MIGA2: variants seen among roughly 807,000 people sequenced by gnomAD.
The protein encoded by MIGA2 is family with sequence similarity 73, member B.
A neutral mutation model predicts 69.9 loss-of-function variants in MIGA2; 36 were observed. The observed-to-expected ratio is 0.52, with a 90% confidence interval of 0.39 to 0.68. The LOEUF is 0.68. Ranked by LOEUF, MIGA2 falls within the 30% of genes least tolerant of loss-of-function variation. MIGA2 has a pLI of 0.00. For synonymous variants in MIGA2, 333 were observed against 349.2 expected, an observed-to-expected ratio of 0.95 and a Z score of 0.52; for missense variants, 660 against 787.7, an observed-to-expected ratio of 0.84 and a Z score of 1.94.
intron 2 of MIGA2, among the ~76,000 whole-genome samples, chr9:129,041,331 C>CAA (rs777281536): frequency 7.2e-6 from 1 of 139,070 alleles, no homozygotes; most frequent in Non-Finnish European, 1.6e-5. Flanking sequence ...GACTCCGCCT[C>CAA]AAAAAAAAAA....
At position 129,060,486 on chromosome 9, in the gene MIGA2, C is replaced by A; in HGVS notation, c.794-64C>A. On this transcript the variant is annotated intron_variant, in intron 7 of 15. Transcript: ENST00000684074. This position sits in a 1 kb window ranked among gnomAD's most constrained non-coding sequence, Gnocchi z 4.8. Reference sequence around the variant, plus strand: ...GGGCCTGATGGGGGACTTCGTGTACCGGGATTCCAGCTGAGCACTGTGTGG... The same window carrying A: ...GGGCCTGATGGGGGACTTCGTGTACAGGGATTCCAGCTGAGCACTGTGTGG... 7.5e-7 allele frequency: 1 copy of A among 1,341,278 alleles called. No homozygotes were observed. Among genetic ancestry groups the A allele is most frequent in the Non-Finnish European group, 1.0e-6 (1 of 969,538 alleles). The allele number at this position is 1,341,278 out of a possible 1,614,324, so 83.1% of individuals were successfully genotyped here. A position where few individuals can be genotyped will look rare whatever the true frequency, so the allele number is the denominator to read the frequency against.
chr9:129,038,254 A>G (rs922947556), intron 1 of MIGA2, among the ~76,000 whole-genome samples: 4 of 152,150 alleles, frequency 2.6e-5, no homozygotes, highest in African/African-American at 9.7e-5. Context: ...CACCAGCCCT[A>G]GAGCGAGACT....
chr9:129,067,135 C>CA (rs774512522), intron 11 of MIGA2, among the ~76,000 whole-genome samples: 938 of 50,990 alleles, frequency 0.018, 12 homozygotes, highest in East Asian at 0.043. Flanking sequence ...GACTCCATCT[C>CA]AAAAAAAAAA....
chr9:129,063,593 CGACAGATGGT>C lies in MIGA2; in HGVS notation c.1138_1147del (p.Met380AlafsTer2). 6.2e-7 allele frequency: 1 copy of C among 1,604,822 alleles called. No homozygotes were observed. The highest frequency in any genetic ancestry group is 8.5e-7 in the Non-Finnish European group (1 of 1,178,584). ...CCAGCTTTTCTTCGGGAAAGTGGGC[CGACAGATGGT>C]GACAGGCCTGATGACCAAGGCTGAG... On this transcript the variant is annotated frameshift_variant, in exon 11 of 16. Transcript: ENST00000684074. LOFTEE classifies it high-confidence loss of function.
Position 129,070,275 on chromosome 9 carries a change from T to A in MIGA2, c.1604T>A (p.Met535Lys), listed in dbSNP as rs958664299. ...CAGATTGTGCAGTACCTGAGGGACA[T>A]GTTCGACCTGGACAATGTGCGCTAC... is the stretch of plus-strand genomic sequence containing the variant. ...KHQIVQYLRDMFDLDNVRYTS... is the reference protein window; with the variant it reads ...KHQIVQYLRDKFDLDNVRYTS... The change falls in exon 16 of 16, where the codon ATG (methionine) becomes AAG (lysine). Residue 535 changes from methionine (M) to lysine (K), a missense_variant. This residue lies in a region of MIGA2 where 220 missense variants were observed against 301.7 expected (regional missense o/e 0.73). Transcript: ENST00000684074. 1.2e-6 allele frequency: 2 copies of A among 1,612,942 alleles called. No individual in the cohort carries two copies. The highest frequency in any genetic ancestry group is 2.7e-5 in the African/African-American group (2 of 74,948).
At chr9:129,050,538 G>T (rs1383112555) in intron 6 of MIGA2, among the ~76,000 whole-genome samples, 4 of 151,054 alleles carry the variant, frequency 2.6e-5, no homozygotes, top group African/African-American at 9.8e-5. Context: ...CTCCCAAAGT[G>T]CTGGGATTAC....
chr9:129,064,521 TC>T (rs1163099149), intron 11 of MIGA2, among the ~76,000 whole-genome samples: 3 of 151,244 alleles, frequency 2.0e-5, no homozygotes, highest in Non-Finnish European at 4.4e-5. Context: ...TTTTTTTTTT[TC>T]TTTAATGGGT....
At chr9:129,051,687 C>T (rs933035843) in intron 6 of MIGA2, among the ~76,000 whole-genome samples, 15 of 151,870 alleles carry the variant, frequency 9.9e-5, no homozygotes, top group South Asian at 2.1e-4. Context: ...AGCTCTGCCT[C>T]CCAGGTTTAC....
At chr9:129,065,578 G>A (rs146641625) in intron 11 of MIGA2, among the ~76,000 whole-genome samples, 5 of 152,134 alleles carry the variant, frequency 3.3e-5, no homozygotes, top group African/African-American at 1.2e-4. Context: ...TCGAACTCCT[G>A]ACCTTAGGTG....
intron 6 of MIGA2, among the ~76,000 whole-genome samples, chr9:129,052,669 C>T (rs546594480): frequency 2.1e-4 from 32 of 152,212 alleles, no homozygotes; most frequent in African/African-American, 7.5e-4. Flanking sequence ...TTCCTCTACC[C>T]GTGTGTCCCA....
rs1330536539 is a variant in MIGA2 at position 129,070,383 on chromosome 9, C to T, written c.1712C>T (p.Pro571Leu). 1 of 1,612,150 alleles carries T rather than the reference C, an allele frequency of 6.2e-7. No homozygotes were observed. The highest frequency in any genetic ancestry group is 8.5e-7 in the Non-Finnish European group (1 of 1,179,668). The change falls in exon 16 of 16, where the codon CCC becomes CTC. Residue 571 changes from proline (P) to leucine (L), a missense_variant. Pro to Leu is a moderately conservative substitution (Grantham distance 98). Transcript: ENST00000684074. ...ATATTGCTGGGGTACCTGGGGGTGC[C>T]CGCGGCCAGCAGCGCAGGCGTGAAT... ...SEILLGYLGV[P>L]AASSAGVNGA...
At chr9:129,040,414 G>C in intron 1 of MIGA2, 38 bp from the exon 2 acceptor site, 1 of 1,342,370 alleles carries the variant, frequency 7.4e-7, no homozygotes, top group South Asian at 1.8e-5. Context: ...GTTCCCGTGT[G>C]CACGTTCTCT....
intron 15 of MIGA2, 42 bp from the exon 16 acceptor site, chr9:129,070,205 G>C (rs1846597240): frequency 6.3e-7 from 1 of 1,591,640 alleles, no homozygotes; most frequent in Non-Finnish European, 8.6e-7. Flanking sequence ...ATCATGGTGG[G>C]CAGTGGCTGG....
chr9:129,060,570 C>A lies in MIGA2; in HGVS notation c.814C>A (p.Leu272Met). ...CCCAGAGAGGACCCTCATGCTGCCC[C>A]TGACCGAGGGCTCGCTGCGGCTGCG... ...LDLERTLMLPLTEGSLRLRAD... is the reference protein window; with the variant it reads ...LDLERTLMLPMTEGSLRLRAD... The change falls in exon 8 of 16, where the codon CTG (leucine) becomes ATG (methionine). Residue 272 changes from leucine to methionine, a missense_variant. By Grantham distance (15) the Leu-to-Met change is conservative. Transcript: ENST00000684074. This position sits in a 1 kb window ranked among gnomAD's most constrained non-coding sequence, Gnocchi z 4.8. The A allele has an allele frequency of 6.2e-7, 1 of 1,602,696 alleles. No homozygotes were observed.
chr9:129,052,203 G>A (rs940550756), intron 6 of MIGA2, among the ~76,000 whole-genome samples: 25 of 152,036 alleles, frequency 1.6e-4, no homozygotes, highest in African/African-American at 4.8e-4. Context: ...TTGGCTCACT[G>A]CAGCCTCCAC....
At chr9:129,050,721 G>T (rs1276984842) in intron 6 of MIGA2, among the ~76,000 whole-genome samples, 1 of 150,486 alleles carries the variant, frequency 6.6e-6, no homozygotes, top group Non-Finnish European at 1.5e-5. Context: ...ACAGGTGCCT[G>T]CCACCACACC....
chr9:129,040,835 G>A, intron 2 of MIGA2, 145 bp downstream of exon 2: 1 of 616,720 alleles, frequency 1.6e-6, no homozygotes, highest in Non-Finnish European at 2.7e-6. Context: ...TTTGTTGTCT[G>A]AGGCTTCAGG....
chr9:129,067,699 TC>T, intron 11 of MIGA2, 73 bp from the exon 12 acceptor site: 2 of 1,392,434 alleles, frequency 1.4e-6, no homozygotes, highest in Non-Finnish European at 2.0e-6. Context: ...CCTTGGCATG[TC>T]CCCCATCCAC....
chr9:129,063,644 G>T lies in MIGA2; in HGVS notation c.1170+13G>T. The T allele has an allele frequency of 6.6e-7, 1 of 1,507,284 alleles. No individual in the cohort carries two copies. Among genetic ancestry groups the T allele is most frequent in the South Asian group, 1.1e-5 (1 of 88,946 alleles). The allele number at this position is 1,507,284 out of a possible 1,614,324, so 93.4% of individuals were successfully genotyped here. ...CAAGGCTGAGAAGGTAGCAGGGGGT[G>T]GGGTGGGGGGGCAAATTATAAAATG... On this transcript the variant is annotated intron_variant, in intron 11 of 15. Transcript: ENST00000684074.
Sources: gnomAD v4.1 joint callset for allele counts (sites outside exome capture counted in the v4.1 genomes callset) on GRCh38, gnomAD v4.1.1 for gene constraint, gnomAD v4.1.1 regional missense constraint, Gnocchi (gnomAD v3.1) non-coding constraint, MANE v1.5 for transcripts, NCBI Gene and HGNC (gene_info 2026-07-23, HGNC 2026-07-21) for gene names.